VPS8: variants seen among roughly 807,000 people sequenced by gnomAD.
VPS8 encodes the protein VPS8 subunit of CORVET complex, also known as vacuolar protein sorting-associated protein 8 homolog.
In VPS8, 129 loss-of-function variants were observed where a neutral mutation model predicts 216.4. The observed-to-expected ratio is 0.60, with a 90% CI of 0.52 to 0.69. VPS8 has a LOEUF of 0.69. Ranked by LOEUF, VPS8 falls within the 30% of genes least tolerant of loss-of-function variation. VPS8 has a pLI of 0.00. For synonymous variants in VPS8, 571 were observed against 565.4 expected (o/e 1.01, Z -0.14); for missense variants, 1,531 against 1,683.5 (o/e 0.91, Z 1.59).
intron 45 of VPS8, among the ~76,000 whole-genome samples, chr3:185,017,355 A>G (rs1231482080): frequency 2.6e-5 from 4 of 152,118 alleles, no homozygotes; most frequent in Non-Finnish European, 5.9e-5. Context: ...CTTTCCCTGA[A>G]TAGTTATTTC....
At chr3:184,913,814 C>T (rs1008886522) in intron 26 of VPS8, among the ~76,000 whole-genome samples, 1 of 152,058 alleles carries the variant, frequency 6.6e-6, no homozygotes, top group African/African-American at 2.4e-5. Flanking sequence ...TGGGCAGAGG[C>T]CAAGGATGCT....
At chr3:185,049,352 C>T (rs922345640) in intron 47 of VPS8, among the ~76,000 whole-genome samples, 3 of 152,110 alleles carry the variant, frequency 2.0e-5, no homozygotes, top group African/African-American at 7.2e-5. Flanking sequence ...CTGGTGCCTG[C>T]CTCAGGAATG....
intron 36 of VPS8, among the ~76,000 whole-genome samples, chr3:184,946,551 T>C (rs1743711518): frequency 6.6e-6 from 1 of 152,222 alleles, no homozygotes; most frequent in Admixed American, 6.5e-5. Context: ...TTCTTAAAGC[T>C]CTTTCAGTTC....
intron 23 of VPS8, among the ~76,000 whole-genome samples, chr3:184,895,366 T>C (rs1241218391): frequency 6.6e-6 from 1 of 152,022 alleles, no homozygotes; most frequent in Non-Finnish European, 1.5e-5. Flanking sequence ...AAAGAGCTGG[T>C]ATGTATGTCC....
At chr3:184,911,198 T>C (rs1429658763) in intron 25 of VPS8, among the ~76,000 whole-genome samples, 1 of 152,220 alleles carries the variant, frequency 6.6e-6, no homozygotes, top group Non-Finnish European at 1.5e-5. Flanking sequence ...GCATACAATT[T>C]ACTAATTACC....
chr3:185,025,021 A>G (rs1561172718), intron 46 of VPS8, among the ~76,000 whole-genome samples: 1 of 152,138 alleles, frequency 6.6e-6, no homozygotes, highest in Non-Finnish European at 1.5e-5. Flanking sequence ...AAAAAGAAAA[A>G]GAAAAAATGT....
chr3:185,021,184 G>T (rs1756605528), intron 45 of VPS8, among the ~76,000 whole-genome samples: 1 of 152,168 alleles, frequency 6.6e-6, no homozygotes, highest in Non-Finnish European at 1.5e-5. Flanking sequence ...ATCACAAAAA[G>T]TTCAACATTA....
At chr3:184,865,094 A>G (rs531909425) in intron 16 of VPS8, among the ~76,000 whole-genome samples, 74 of 152,320 alleles carry the variant, frequency 4.9e-4, no homozygotes, top group African/African-American at 1.7e-3. Flanking sequence ...ACGATTCATG[A>G]ATTTGAAGAT....
At chr3:184,963,994 G>A (rs985994466) in intron 37 of VPS8, among the ~76,000 whole-genome samples, 1 of 151,846 alleles carries the variant, frequency 6.6e-6, no homozygotes, top group Non-Finnish European at 1.5e-5. Flanking sequence ...ATCTCTCTTT[G>A]CTGTCATTTC....
intron 45 of VPS8, among the ~76,000 whole-genome samples, chr3:185,010,567 T>C (rs898810882): frequency 4.6e-5 from 7 of 152,052 alleles, no homozygotes; most frequent in African/African-American, 1.7e-4. Context: ...GTAGAACATC[T>C]AGAGATTAAA....
chr3:184,990,428 C>T (rs776454891), intron 42 of VPS8, among the ~76,000 whole-genome samples: 28 of 152,186 alleles, frequency 1.8e-4, no homozygotes, highest in African/African-American at 6.8e-4. Context: ...AGTGCAGTGC[C>T]TGAAACATAG....
intron 34 of VPS8, among the ~76,000 whole-genome samples, chr3:184,935,494 A>G (rs927757401): frequency 2.0e-5 from 3 of 152,204 alleles, no homozygotes; most frequent in African/African-American, 7.2e-5. Context: ...GTTTTATTTA[A>G]TAATACCTAT....
rs552717064 is a variant in VPS8, at chr3:184,876,266, A to C, written c.1734+5461A>C. 3.9e-5 allele frequency among the ~76,000 whole-genome samples: 6 copies of C among 152,110 alleles called. No homozygotes were observed. In the East Asian group the frequency reaches 9.6e-4, roughly 24 times the overall value. ...ACCAAGAAATGTTAGGATTCTTCACAATACCCTTCTATTTTTATATCAATG... is the reference window on the plus strand; with the variant it reads ...ACCAAGAAATGTTAGGATTCTTCACCATACCCTTCTATTTTTATATCAATG... On this transcript the variant is annotated intron_variant, in intron 21 of 47. Coordinates refer to ENST00000625842, the MANE Select transcript of VPS8 (RefSeq NM_001009921.3).
At chr3:184,963,815 T>C (rs1209372081) in intron 37 of VPS8, among the ~76,000 whole-genome samples, 4 of 152,118 alleles carry the variant, frequency 2.6e-5, no homozygotes, top group African/African-American at 9.6e-5. Context: ...GAGTGTTTTG[T>C]TTTTGTCATG....
intron 47 of VPS8, among the ~76,000 whole-genome samples, 153 bp from the exon 48 acceptor site, chr3:185,051,723 C>T (rs1354442810): frequency 6.6e-6 from 1 of 152,212 alleles, no homozygotes; most frequent in Admixed American, 6.5e-5. Flanking sequence ...TCACACTGCT[C>T]GTTTGTGATA....
chr3:184,908,037 T>A (rs912039230), intron 25 of VPS8, among the ~76,000 whole-genome samples: 1 of 152,182 alleles, frequency 6.6e-6, no homozygotes, highest in Non-Finnish European at 1.5e-5. Flanking sequence ...TTTTTCCTTT[T>A]AAGGTTTTTG....
chr3:184,952,715 A>G (rs535384515), intron 36 of VPS8, among the ~76,000 whole-genome samples: 1 of 152,304 alleles, frequency 6.6e-6, no homozygotes, highest in South Asian at 2.1e-4. Context: ...CATTAGCACA[A>G]TCCAAATGGG....
At chr3:184,835,709 C>CTTTTT (rs34896906) in intron 5 of VPS8, among the ~76,000 whole-genome samples, 1 of 126,766 alleles carries the variant, frequency 7.9e-6, no homozygotes, top group Non-Finnish European at 1.6e-5. Context: ...TTGGATTTTT[C>CTTTTT]TTTTTTTTTT....
intron 34 of VPS8, among the ~76,000 whole-genome samples, chr3:184,933,903 A>G (rs1741151544): frequency 6.6e-6 from 1 of 152,134 alleles, no homozygotes; most frequent in African/African-American, 2.4e-5. Flanking sequence ...TGATATCTTT[A>G]ACAGAATCTT....
Sources: allele counts gnomAD v4.1 joint callset (sites outside exome capture counted in the v4.1 genomes callset), GRCh38; gene constraint gnomAD v4.1.1; transcripts MANE v1.5; gene names NCBI Gene and HGNC (gene_info 2026-07-23, HGNC 2026-07-21).